The following ADAMTS20 variants were observed in gnomAD, a reference collection of about 807,000 sequenced individuals.
ADAMTS20 encodes the protein ADAM metallopeptidase with thrombospondin type 1 motif 20.
In ADAMTS20, 225 loss-of-function variants were observed where a neutral mutation model predicts 260.1. The ratio of observed to expected loss-of-function variants is 0.87; its 90% CI spans 0.78 to 0.97. ADAMTS20 has a LOEUF of 0.97. ADAMTS20 is among the 50% of genes least tolerant of loss of function. The probability of loss-of-function intolerance (pLI) is 0.00; values close to 1 mark genes in which losing one functional copy is unlikely to be tolerated. For missense variants in ADAMTS20, 2,400 were observed against 2,337.7 expected (o/e 1.03, Z -0.55); for synonymous variants, 802 against 769.5 (o/e 1.04, Z -0.70).
chr12:43,548,868 C>T (rs976235710), intron 2 of ADAMTS20, among the ~76,000 whole-genome samples: 9 of 151,802 alleles, frequency 5.9e-5, no homozygotes, highest in South Asian at 2.1e-4. Context: ...TGAAAAGAAA[C>T]GTTTAAATGT....
intron 28 of ADAMTS20, 67 bp downstream of exon 28, chr12:43,425,447 G>T: frequency 7.8e-7 from 1 of 1,274,518 alleles, no homozygotes; most frequent in Non-Finnish European, 1.0e-6. Flanking sequence ...GAAAAACAAT[G>T]AACTCTCCCT....
At chr12:43,505,287 T>C (rs1289293919) in intron 3 of ADAMTS20, among the ~76,000 whole-genome samples, 2 of 152,090 alleles carry the variant, frequency 1.3e-5, no homozygotes, top group Admixed American at 6.6e-5. Flanking sequence ...AATAGACAAA[T>C]GGGACTACAT....
chr12:43,361,119 C>T (rs980658755), intron 37 of ADAMTS20, among the ~76,000 whole-genome samples: 1 of 152,208 alleles, frequency 6.6e-6, no homozygotes, highest in Non-Finnish European at 1.5e-5. Flanking sequence ...TTTATTTTCC[C>T]TAAAGAGTGC....
At chr12:43,401,315 G>A (rs879932211) in intron 28 of ADAMTS20, among the ~76,000 whole-genome samples, 21 of 151,796 alleles carry the variant, frequency 1.4e-4, no homozygotes, top group African/African-American at 4.6e-4. Context: ...CCCAGAGTTC[G>A]TTTAACAATG....
At chr12:43,549,416 A>T (rs1943483130) in intron 2 of ADAMTS20, among the ~76,000 whole-genome samples, 1 of 152,108 alleles carries the variant, frequency 6.6e-6, no homozygotes, top group Admixed American at 6.5e-5. Flanking sequence ...GATATTGATC[A>T]TAAATATATA....
At chr12:43,467,352 A>G (rs1217120080) in intron 8 of ADAMTS20, among the ~76,000 whole-genome samples, 3 of 152,084 alleles carry the variant, frequency 2.0e-5, no homozygotes, top group African/African-American at 4.8e-5. Flanking sequence ...TCACATCTTC[A>G]TGACTTAATT....
intron 22 of ADAMTS20, 58 bp downstream of exon 22, chr12:43,431,273 AC>A (rs1344840165): frequency 3.3e-5 from 51 of 1,545,816 alleles, no homozygotes; most frequent in Admixed American, 1.0e-4. Flanking sequence ...ATATAACACA[AC>A]TTTTGTGCTA....
At chr12:43,457,386 G>A (rs1046106481) in intron 11 of ADAMTS20, among the ~76,000 whole-genome samples, 1 of 151,758 alleles carries the variant, frequency 6.6e-6, no homozygotes, top group Non-Finnish European at 1.5e-5. Context: ...ACTTAATGTT[G>A]GAATGTCTCT....
chr12:43,376,362 G>C, intron 33 of ADAMTS20, 32 bp from the exon 34 acceptor site: 1 of 1,497,306 alleles, frequency 6.7e-7, no homozygotes, highest in Non-Finnish European at 9.0e-7. Flanking sequence ...ACTTAACACA[G>C]AGCAAATTAC....
rs186482094 is a variant in ADAMTS20 at position 43,530,367 on chromosome 12, A to G, written c.613+1669T>C. Among the ~76,000 whole-genome samples, 321 of 152,296 alleles carry G rather than the reference A, an allele frequency of 2.1e-3. 1 individual carries two copies. Among genetic ancestry groups the G allele is most frequent in the African/African-American group, 7.5e-3 (312 of 41,582 alleles). ...CATAAGCTGCCTTCTGTAGAATTCT[A>G]TTGTGGAACTGTACCCATTTGTGTT... is the stretch of plus-strand genomic sequence containing the variant. On this transcript the variant is annotated intron_variant, in intron 3 of 38. Coordinates refer to ENST00000389420, the MANE Select transcript of ADAMTS20 (RefSeq NM_025003.5).
chr12:43,380,984 C>T (rs980064807), intron 31 of ADAMTS20, among the ~76,000 whole-genome samples: 1 of 152,098 alleles, frequency 6.6e-6, no homozygotes, highest in African/African-American at 2.4e-5. Flanking sequence ...GACTTCAAAA[C>T]TTACTATAAA....
At chr12:43,416,563 G>A (rs930142261) in intron 28 of ADAMTS20, among the ~76,000 whole-genome samples, 2 of 134,220 alleles carry the variant, frequency 1.5e-5, no homozygotes, top group African/African-American at 2.8e-5. Flanking sequence ...TCACTCTGTC[G>A]CCCAGGCTGG....
intron 28 of ADAMTS20, among the ~76,000 whole-genome samples, chr12:43,412,521 GTA>G (rs1941050822): frequency 1.3e-5 from 2 of 152,096 alleles, no homozygotes; most frequent in African/African-American, 4.8e-5. Context: ...ACTCTAACGG[GTA>G]TCCTGTAGAT....
At chr12:43,398,425 G>C (rs74557013) in intron 29 of ADAMTS20, among the ~76,000 whole-genome samples, 3,412 of 152,134 alleles carry the variant, frequency 0.022, 57 homozygotes, top group East Asian at 0.085. Flanking sequence ...CATTTTTGCT[G>C]AGTCTTTTCA....
intron 37 of ADAMTS20, 96 bp from the exon 38 acceptor site, chr12:43,356,684 A>G (rs1249052167): frequency 2.5e-6 from 2 of 795,922 alleles, no homozygotes; most frequent in Non-Finnish European, 4.1e-6. Context: ...CTGAATTAAT[A>G]CTATATAATG....
chr12:43,404,543 A>C (rs773705107), intron 28 of ADAMTS20, among the ~76,000 whole-genome samples: 1 of 152,214 alleles, frequency 6.6e-6, no homozygotes, highest in African/African-American at 2.4e-5. Context: ...ATTAAGAGTA[A>C]GCATTATTTA....
intron 2 of ADAMTS20, among the ~76,000 whole-genome samples, chr12:43,541,905 C>A (rs1394288192): frequency 2.0e-5 from 3 of 152,130 alleles, no homozygotes; most frequent in Non-Finnish European, 2.9e-5. Flanking sequence ...GTTGCTGGTA[C>A]CTTACCTTTT....
chr12:43,362,331 G>C (rs1157645027), intron 37 of ADAMTS20, among the ~76,000 whole-genome samples: 1 of 152,196 alleles, frequency 6.6e-6, no homozygotes, highest in African/African-American at 2.4e-5. Flanking sequence ...AGCAGAGAAA[G>C]GACAGTCCTG....
chr12:43,500,003 A>G (rs1207866720), intron 4 of ADAMTS20, among the ~76,000 whole-genome samples: 3 of 148,670 alleles, frequency 2.0e-5, no homozygotes, highest in East Asian at 2.0e-4. Flanking sequence ...TTCCTTCAGT[A>G]TCTCTCCCAC....
Sources: allele counts gnomAD v4.1 joint callset (sites outside exome capture counted in the v4.1 genomes callset), GRCh38; gene constraint gnomAD v4.1.1; transcripts MANE v1.5; gene names NCBI Gene and HGNC (gene_info 2026-07-23, HGNC 2026-07-21).